CSGALNACT2: variants seen among roughly 807,000 people sequenced by gnomAD.
CSGALNACT2 encodes chondroitin sulfate N-acetylgalactosaminyltransferase 2.
In CSGALNACT2, 35 loss-of-function variants were observed where a neutral mutation model predicts 55.3. That is an observed-to-expected ratio of 0.63 (90% CI 0.48 to 0.84). The LOEUF (loss-of-function observed/expected upper bound fraction) is 0.84, where lower values mean the gene tolerates loss of function less well. CSGALNACT2 is among the 40% of genes least tolerant of loss of function. CSGALNACT2 has a pLI of 0.00. For synonymous variants in CSGALNACT2, 196 were observed against 224.9 expected (o/e 0.87, Z 1.15); for missense variants, 544 against 657.5 (o/e 0.83, Z 1.89).
intron 7 of CSGALNACT2, among the ~76,000 whole-genome samples, chr10:43,176,635 G>A (rs1367393996): frequency 1.3e-5 from 2 of 152,194 alleles, no homozygotes; most frequent in African/African-American, 4.8e-5. Context: ...GCACAATCTT[G>A]GCTCACTGCA....
At chr10:43,179,639 C>T (rs137863082) in intron 7 of CSGALNACT2, among the ~76,000 whole-genome samples, 242 of 152,236 alleles carry the variant, frequency 1.6e-3, no homozygotes, top group African/African-American at 5.4e-3. Flanking sequence ...TGACAATGCT[C>T]TGGGGCATAA....
chr10:43,156,804 G>A (rs901207833), intron 2 of CSGALNACT2, among the ~76,000 whole-genome samples: 7 of 152,254 alleles, frequency 4.6e-5, no homozygotes, highest in African/African-American at 9.6e-5. Flanking sequence ...GAGCTCAGGC[G>A]GTAATGCTTG....
intron 2 of CSGALNACT2, among the ~76,000 whole-genome samples, 191 bp from the exon 3 acceptor site, chr10:43,158,524 C>CT (rs1215005033): frequency 2.0e-5 from 3 of 151,292 alleles, no homozygotes; most frequent in South Asian, 2.1e-4. Flanking sequence ...GAACAGTGAA[C>CT]TTTTTTTTTA....
chr10:43,176,873 T>G (rs1839490605), intron 7 of CSGALNACT2, among the ~76,000 whole-genome samples: 1 of 152,188 alleles, frequency 6.6e-6, no homozygotes, highest in Admixed American at 6.5e-5. Context: ...AGCCCCTAGC[T>G]TCAGTCTTAC....
chr10:43,170,415 A>G (rs1317407923), intron 6 of CSGALNACT2, among the ~76,000 whole-genome samples: 3 of 152,208 alleles, frequency 2.0e-5, no homozygotes, highest in Non-Finnish European at 2.9e-5. Context: ...AGCACTCAAT[A>G]AAAAGATAGG....
chr10:43,163,098 C>G, intron 4 of CSGALNACT2: 1 of 985,386 alleles, frequency 1.0e-6, no homozygotes, highest in Non-Finnish European at 1.2e-6. Context: ...ATTCTTACCT[C>G]TTTGCCTTTG....
chr10:43,151,655 T>C (rs1838877562), intron 1 of CSGALNACT2, among the ~76,000 whole-genome samples: 1 of 152,326 alleles, frequency 6.6e-6, no homozygotes, highest in South Asian at 2.1e-4. Flanking sequence ...GAGTTCTCTC[T>C]GTGTGCAGCT....
At chr10:43,169,774 A>C (rs1283892316) in intron 6 of CSGALNACT2, among the ~76,000 whole-genome samples, 8 of 152,242 alleles carry the variant, frequency 5.3e-5, no homozygotes, top group Non-Finnish European at 1.5e-5. Flanking sequence ...GCTTCCAGAG[A>C]CACTAAAAAT....
chr10:43,182,212 C>T (rs566479851), intron 7 of CSGALNACT2, among the ~76,000 whole-genome samples: 1 of 152,040 alleles, frequency 6.6e-6, no homozygotes, highest in East Asian at 1.9e-4. Context: ...ATTTATGCTG[C>T]CAGGTCCAGT....
At chr10:43,148,276 AT>A (rs1173063095) in intron 1 of CSGALNACT2, among the ~76,000 whole-genome samples, 1 of 152,052 alleles carries the variant, frequency 6.6e-6, no homozygotes, top group East Asian at 1.9e-4. Flanking sequence ...GCCATACCAC[AT>A]TGTCTTAATT....
At chr10:43,171,199 G>GTA (rs1839374962) in intron 6 of CSGALNACT2, among the ~76,000 whole-genome samples, 1 of 151,998 alleles carries the variant, frequency 6.6e-6, no homozygotes, top group Admixed American at 6.6e-5. Context: ...ACTGGATGAG[G>GTA]GGTATACAGG....
Position 43,183,245 on chromosome 10 carries a change from T to C in CSGALNACT2, c.1337-5T>C, listed in dbSNP as rs759769807. 2 of 1,609,162 alleles carry C rather than the reference T, an allele frequency of 1.2e-6. No homozygotes were observed. Among genetic ancestry groups the C allele is most frequent in the Non-Finnish European group, 1.7e-6 (2 of 1,175,510 alleles). ...TTATTTATAGTGTCAATTTTGATCT[T>C]ACAGGTGGATTTGACATGGAAGTGA... On this transcript the variant is annotated splice_polypyrimidine_tract_variant and splice_region_variant and intron_variant, in intron 7 of 7. Coordinates refer to ENST00000374466, the MANE Select transcript of CSGALNACT2 (RefSeq NM_018590.5).
At chr10:43,165,654 G>A (rs902346245) in intron 5 of CSGALNACT2, among the ~76,000 whole-genome samples, 1 of 152,040 alleles carries the variant, frequency 6.6e-6, no homozygotes, top group South Asian at 2.1e-4. Context: ...TTTTTGGCCA[G>A]GCATGGTGGC....
chr10:43,162,863 C>A, intron 4 of CSGALNACT2: 1 of 983,252 alleles, frequency 1.0e-6, no homozygotes, highest in Non-Finnish European at 1.2e-6. Flanking sequence ...TTGGGGGCCT[C>A]ACTGTGAGAA....
intron 4 of CSGALNACT2, 125 bp downstream of exon 4, chr10:43,160,720 G>A: frequency 1.6e-6 from 1 of 636,812 alleles, no homozygotes; most frequent in Non-Finnish European, 2.8e-6. Flanking sequence ...CATGTGGGCG[G>A]TGGTGGTGAT....
At chr10:43,171,091 T>C (rs150734202) in intron 6 of CSGALNACT2, among the ~76,000 whole-genome samples, 285 of 152,194 alleles carry the variant, frequency 1.9e-3, no homozygotes, top group African/African-American at 6.7e-3. Context: ...CCAAATGAAA[T>C]CTGGAGTTGA....
rs190665207 is a variant in CSGALNACT2, at chr10:43,148,067, G to T, written c.-253-6830G>T. 2.6e-5 allele frequency among the ~76,000 whole-genome samples: 4 copies of T among 152,174 alleles called. No homozygotes were observed. In the East Asian group the frequency reaches 7.7e-4, roughly 29 times the overall value. Reference sequence around the variant, plus strand: ...TTTGACCCATTTTGAGATAATTTTTGAATGTGGTGTGAAGTAGGAGTCTAG... The same window carrying T: ...TTTGACCCATTTTGAGATAATTTTTTAATGTGGTGTGAAGTAGGAGTCTAG... On this transcript the variant is annotated intron_variant, in intron 1 of 7. Coordinates refer to ENST00000374466, the MANE Select transcript of CSGALNACT2 (RefSeq NM_018590.5).
At chr10:43,150,211 C>A (rs1184827869) in intron 1 of CSGALNACT2, among the ~76,000 whole-genome samples, 1 of 151,980 alleles carries the variant, frequency 6.6e-6, no homozygotes, top group Non-Finnish European at 1.5e-5. Context: ...TCTGGTATTT[C>A]TTCTTAAATC....
intron 1 of CSGALNACT2, among the ~76,000 whole-genome samples, chr10:43,142,004 G>A (rs1167688169): frequency 6.6e-6 from 1 of 152,148 alleles, no homozygotes; most frequent in Non-Finnish European, 1.5e-5. Flanking sequence ...GCTCACAGAA[G>A]GGATTGGGGT....
Sources: allele counts gnomAD v4.1 joint callset (sites outside exome capture counted in the v4.1 genomes callset), GRCh38; gene constraint gnomAD v4.1.1; transcripts MANE v1.5; gene names NCBI Gene and HGNC (gene_info 2026-07-23, HGNC 2026-07-21).